Variants in TAS2R1 observed in about 807,000 individuals in gnomAD.
The protein encoded by TAS2R1 is taste 2 receptor member 1.
For synonymous variants in TAS2R1, 141 were observed against 134.2 expected (o/e 1.05, Z -0.35); for missense variants, 370 against 353.4 (o/e 1.05, Z -0.38).
intron 1 of TAS2R1, among the ~76,000 whole-genome samples, chr5:9,683,002 G>A (rs1741056132): frequency 6.6e-6 from 1 of 152,104 alleles, no homozygotes; most frequent in Admixed American, 6.5e-5. Flanking sequence ...AAATTCTGAG[G>A]GAGCCAGGGA....
chr5:9,816,165 C>T, the TAS2R1 span, among the ~76,000 whole-genome samples: 1 of 151,976 alleles, frequency 6.6e-6, no homozygotes, highest in Non-Finnish European at 1.5e-5. Flanking sequence ...TTTTATGATC[C>T]ACAGTTTATC....
chr5:9,763,373 C>T, the TAS2R1 span, among the ~76,000 whole-genome samples: 3 of 151,934 alleles, frequency 2.0e-5, no homozygotes, highest in Non-Finnish European at 2.9e-5. Flanking sequence ...CATAGTGGTG[C>T]GCGCCTGTAG....
At chr5:9,844,212 G>C in the TAS2R1 span, among the ~76,000 whole-genome samples, 1 of 152,130 alleles carries the variant, frequency 6.6e-6, no homozygotes, top group South Asian at 2.1e-4. Context: ...TTAGAATTCT[G>C]CCATTTTTCT....
At chr5:9,689,952 A>C (rs554394279) in intron 1 of TAS2R1, among the ~76,000 whole-genome samples, 4 of 152,304 alleles carry the variant, frequency 2.6e-5, no homozygotes, top group African/African-American at 9.6e-5. Flanking sequence ...TTTAACACTA[A>C]ATGTTGAAAA....
intron 1 of TAS2R1, among the ~76,000 whole-genome samples, chr5:9,695,116 T>C (rs1298713009): frequency 1.3e-5 from 2 of 152,192 alleles, no homozygotes; most frequent in Non-Finnish European, 2.9e-5. Flanking sequence ...GTTACTGATC[T>C]CACAGAGCAG....
the TAS2R1 span, among the ~76,000 whole-genome samples, chr5:9,777,424 A>G: frequency 5.9e-5 from 9 of 152,252 alleles, no homozygotes; most frequent in Admixed American, 5.2e-4. Flanking sequence ...CTCAACTGCT[A>G]AAGTTTGATC....
chr5:9,721,361 C>A, the TAS2R1 span, among the ~76,000 whole-genome samples: 870 of 152,300 alleles, frequency 5.7e-3, 5 homozygotes, highest in African/African-American at 0.02. Flanking sequence ...GGGTGTTCCC[C>A]GGTGCTGCTA....
At chr5:9,709,985 G>A (rs1208273377) in intron 1 of TAS2R1, among the ~76,000 whole-genome samples, 1 of 152,228 alleles carries the variant, frequency 6.6e-6, no homozygotes, top group African/African-American at 2.4e-5. Flanking sequence ...AGAGGACCTG[G>A]CATTGCCAGT....
chr5:9,689,619 A>G (rs1250246316), intron 1 of TAS2R1, among the ~76,000 whole-genome samples: 2 of 152,172 alleles, frequency 1.3e-5, no homozygotes, highest in Non-Finnish European at 2.9e-5. Context: ...ACAATGTAAT[A>G]CATTTTTCAG....
At chr5:9,704,135 G>A (rs1741551287) in intron 1 of TAS2R1, among the ~76,000 whole-genome samples, 2 of 152,178 alleles carry the variant, frequency 1.3e-5, no homozygotes, top group Non-Finnish European at 2.9e-5. Context: ...GAACTGAGGT[G>A]CAGCGATTCC....
At chr5:9,882,138 C>A in the TAS2R1 span, among the ~76,000 whole-genome samples, 18 of 152,198 alleles carry the variant, frequency 1.2e-4, 1 homozygote, top group South Asian at 3.5e-3. Context: ...CCAGAATGTA[C>A]AAGATGCTTA....
At chr5:9,675,030 T>C (rs951933573) in intron 1 of TAS2R1, among the ~76,000 whole-genome samples, 1 of 151,348 alleles carries the variant, frequency 6.6e-6, no homozygotes, top group African/African-American at 2.4e-5. Context: ...TTTACAAAAA[T>C]TTATATACAT....
At chr5:9,693,604 A>G (rs1371999555) in intron 1 of TAS2R1, among the ~76,000 whole-genome samples, 1 of 151,330 alleles carries the variant, frequency 6.6e-6, no homozygotes, top group Non-Finnish European at 1.5e-5. Context: ...ACATTTGCAA[A>G]AGCTTCCTCA....
At chr5:9,689,102 G>A (rs1034346163) in intron 1 of TAS2R1, among the ~76,000 whole-genome samples, 3 of 152,104 alleles carry the variant, frequency 2.0e-5, no homozygotes, top group African/African-American at 4.8e-5. Flanking sequence ...GGAGGACCTC[G>A]ATTCTTGCCC....
the TAS2R1 span, among the ~76,000 whole-genome samples, chr5:9,822,170 G>C: frequency 6.6e-6 from 1 of 151,872 alleles, no homozygotes; most frequent in South Asian, 2.1e-4. Context: ...TTAATGTTTT[G>C]TTTCTAATTT....
chr5:9,822,911 A>G, the TAS2R1 span, among the ~76,000 whole-genome samples: 2 of 151,916 alleles, frequency 1.3e-5, no homozygotes, highest in African/African-American at 4.8e-5. Flanking sequence ...TATGACAGAG[A>G]TAACGTTGCA....
chr5:9,875,852 G>T, the TAS2R1 span, among the ~76,000 whole-genome samples: 1 of 152,108 alleles, frequency 6.6e-6, no homozygotes, highest in African/African-American at 2.4e-5. Context: ...GGTGAGTCCC[G>T]GAAAAAGTGC....
the TAS2R1 span, among the ~76,000 whole-genome samples, chr5:9,767,700 G>A: frequency 6.6e-6 from 1 of 152,106 alleles, no homozygotes; most frequent in East Asian, 1.9e-4. Flanking sequence ...GAGGCCGAGG[G>A]TGGTGGATCA....
the TAS2R1 span, among the ~76,000 whole-genome samples, chr5:9,768,267 C>A: frequency 5.3e-5 from 8 of 152,308 alleles, no homozygotes; most frequent in Non-Finnish European, 1.0e-4. Context: ...TAAAAGACAC[C>A]TGCCTTGGGT....
Sources: gnomAD v4.1 joint callset for allele counts (sites outside exome capture counted in the v4.1 genomes callset) on GRCh38, gnomAD v4.1.1 for gene constraint, MANE v1.5 for transcripts, NCBI Gene and HGNC (gene_info 2026-07-23, HGNC 2026-07-21) for gene names.